SNRPN: variants seen among roughly 807,000 people sequenced by gnomAD.
SNRPN encodes the protein small nuclear ribonucleoprotein polypeptide N.
A neutral mutation model predicts 25.2 loss-of-function variants in SNRPN; 7 were observed. The observed-to-expected ratio is 0.28, with a 90% confidence interval of 0.16 to 0.52. The LOEUF is 0.52. Ranked by LOEUF, SNRPN falls within the 20% of genes least tolerant of loss-of-function variation. The pLI, the probability that SNRPN is intolerant of heterozygous loss-of-function variation, is 0.96. For synonymous variants in SNRPN, 124 were observed against 110.6 expected (o/e 1.12, Z -0.76); for missense variants, 196 against 322.5 (o/e 0.61, Z 3.00).
Position 24,863,876 on chromosome 15 carries a change from T to C in SNRPN, c.-579+7160T>C, listed in dbSNP as rs75619921. Among the ~76,000 whole-genome samples, 1,088 of 150,908 alleles carry C rather than the reference T, an allele frequency of 7.2e-3. 98 individuals carry two copies. Among genetic ancestry groups the C allele is most frequent in the African/African-American group, 0.026 (1,044 of 40,422 alleles). On this transcript the variant is annotated intron_variant, in intron 1 of 11. Coordinates refer to the SNRPN transcript ENST00000400097. Reference sequence around the variant, plus strand: ...CAGTTACTTTATCTTTTACTTAGCTTTCACTTTATTTACAGTACTCTCTCT... The same window carrying C: ...CAGTTACTTTATCTTTTACTTAGCTCTCACTTTATTTACAGTACTCTCTCT...
chr15:24,888,086 T>C (rs915097036), intron 2 of SNRPN, among the ~76,000 whole-genome samples: 2 of 151,442 alleles, frequency 1.3e-5, no homozygotes, highest in African/African-American at 4.8e-5. Context: ...TACCGTAATA[T>C]AAAATGACAA....
intron 1 of SNRPN, among the ~76,000 whole-genome samples, chr15:24,884,146 T>TAAAAAAAAAAAAAA (rs1194069483): frequency 3.3e-5 from 1 of 30,564 alleles, no homozygotes; most frequent in African/African-American, 1.6e-4. Context: ...ACCCTGCCTC[T>TAAAAAAAAAAAAAA]ACAAAAAAAA....
chr15:24,924,863 T>C (rs2060276439), intron 3 of SNRPN, among the ~76,000 whole-genome samples: 1 of 152,120 alleles, frequency 6.6e-6, no homozygotes, highest in Non-Finnish European at 1.5e-5. Context: ...AGAATACCCT[T>C]GTCCACAGCC....
At chr15:24,900,357 G>T (rs2058370239) in intron 2 of SNRPN, among the ~76,000 whole-genome samples, 1 of 152,156 alleles carries the variant, frequency 6.6e-6, no homozygotes, top group African/African-American at 2.4e-5. Flanking sequence ...CCTGAAACTT[G>T]GAATGGGTCA....
At chr15:24,908,437 C>G (rs1021728758) in intron 2 of SNRPN, among the ~76,000 whole-genome samples, 7 of 151,936 alleles carry the variant, frequency 4.6e-5, no homozygotes, top group African/African-American at 7.3e-5. Flanking sequence ...AGAAAGCCTC[C>G]GTCTTTGAGA....
intron 1 of SNRPN, among the ~76,000 whole-genome samples, chr15:24,826,878 A>C: frequency 6.6e-6 from 1 of 152,046 alleles, no homozygotes; most frequent in East Asian, 1.9e-4. Context: ...TATGAGAACA[A>C]CGTAGAGAGT....
chr15:24,875,682 G>A (rs536776251), intron 1 of SNRPN, among the ~76,000 whole-genome samples: 1 of 152,252 alleles, frequency 6.6e-6, no homozygotes, highest in East Asian at 1.9e-4. Flanking sequence ...AATTTAAGTG[G>A]CTGTGGTGTG....
chr15:24,855,088 C>T (rs1281870009), upstream of SNRPN, among the ~76,000 whole-genome samples: 4 of 152,032 alleles, frequency 2.6e-5, no homozygotes, highest in Admixed American at 2.6e-4. Flanking sequence ...TTTCAGGGTA[C>T]ACTTTTTTAA....
At chr15:24,835,617 A>G (rs1431271587) in intron 2 of SNRPN, among the ~76,000 whole-genome samples, 1 of 151,452 alleles carries the variant, frequency 6.6e-6, no homozygotes, top group Non-Finnish European at 1.5e-5. Context: ...CATCCCCATA[A>G]TGAATGCATA....
intron 3 of SNRPN, among the ~76,000 whole-genome samples, chr15:24,973,911 A>G (rs1469526330): frequency 6.6e-6 from 1 of 152,198 alleles, no homozygotes; most frequent in African/African-American, 2.4e-5. Flanking sequence ...AAATGACAAC[A>G]TAGGTATTTC....
Position 24,955,013 on chromosome 15 carries a change from CCTGACGCATCTGTCT to C in SNRPN, c.-439_-425del. On this transcript the variant is annotated 5_prime_UTR_variant, in exon 1 of 10. It removes the in-frame stop codon of an upstream open reading frame in the 5' UTR. Coordinates refer to ENST00000390687, the MANE Select transcript of SNRPN (RefSeq NM_003097.6). Reference sequence around the variant, plus strand: ...CAGAGTGGAGCGGCCGCCGGAGATGCCTGACGCATCTGTCTGAGGAGCGGTCAGTGACGCGATGGA... The same window carrying C: ...CAGAGTGGAGCGGCCGCCGGAGATGCGAGGAGCGGTCAGTGACGCGATGGA... The C allele has an allele frequency of 6.2e-7, 1 of 1,612,136 alleles. No individual in the cohort carries two copies. The highest frequency in any genetic ancestry group is 8.5e-7 in the Non-Finnish European group (1 of 1,179,820).
intron 2 of SNRPN, among the ~76,000 whole-genome samples, chr15:24,906,632 G>T (rs1340242020): frequency 6.6e-6 from 1 of 152,110 alleles, no homozygotes; most frequent in African/African-American, 2.4e-5. Context: ...ATTCTTTTGT[G>T]ACCCACTTCA....
intron 2 of SNRPN, chr15:24,848,306 A>C (rs1018150412): frequency 7.1e-5 from 10 of 140,226 alleles, no homozygotes; most frequent in East Asian, 2.1e-4. Context: ...GGACTGGAGG[A>C]TTCGGTGTTG....
chr15:24,837,186 A>G (rs987324795), intron 2 of SNRPN, among the ~76,000 whole-genome samples: 1 of 152,008 alleles, frequency 6.6e-6, no homozygotes, highest in African/African-American at 2.4e-5. Context: ...AAAGATGTCC[A>G]AAGGTAACTC....
intron 3 of SNRPN, among the ~76,000 whole-genome samples, chr15:24,936,494 C>A (rs1404160199): frequency 6.6e-6 from 1 of 152,088 alleles, no homozygotes; most frequent in African/African-American, 2.4e-5. Context: ...CTGTATTGGT[C>A]CATTCCTGCA....
intron 3 of SNRPN, among the ~76,000 whole-genome samples, chr15:24,930,343 T>A (rs1332534034): frequency 6.6e-6 from 1 of 151,630 alleles, no homozygotes; most frequent in Non-Finnish European, 1.5e-5. Flanking sequence ...TTATTTTACA[T>A]GAGGGCAAAA....
chr15:24,926,665 T>A lies in SNRPN; in HGVS notation c.-391+6541T>A, dbSNP rs891635901. ...ACAAATAGATGTATCCATGCTATTTTATTTTAAATTTTTACTTTGAAACAA... is the reference window on the plus strand; with the variant it reads ...ACAAATAGATGTATCCATGCTATTTAATTTTAAATTTTTACTTTGAAACAA... On this transcript the variant is annotated intron_variant, in intron 3 of 11. Coordinates refer to the SNRPN transcript ENST00000400097. Among the ~76,000 whole-genome samples the A allele has an allele frequency of 3.3e-5, 5 of 152,174 alleles. No homozygotes were observed. In the East Asian group the frequency reaches 9.6e-4, roughly 29 times the overall value.
intron 2 of SNRPN, chr15:24,910,764 A>T (rs563348120): frequency 3.5e-6 from 1 of 287,856 alleles, no homozygotes; most frequent in East Asian, 7.7e-5. Flanking sequence ...AAGTGCTGGA[A>T]CTACAGGCGT....
chr15:24,953,862 A>C (rs1051048788), upstream of SNRPN, among the ~76,000 whole-genome samples: 3 of 152,120 alleles, frequency 2.0e-5, no homozygotes, highest in African/African-American at 7.2e-5. Context: ...AACATTACAC[A>C]GTTTCTGAGA....
Sources: allele counts gnomAD v4.1 joint callset (sites outside exome capture counted in the v4.1 genomes callset), GRCh38; gene constraint gnomAD v4.1.1; transcripts MANE v1.5; gene names NCBI Gene and HGNC (gene_info 2026-07-23, HGNC 2026-07-21).